TBC1D5: variants seen among roughly 807,000 people sequenced by gnomAD.
The protein encoded by TBC1D5 is TBC1 domain family member 5, also known as TBC1 domain family, member 5.
Under a neutral mutation model 100.3 loss-of-function variants are expected in TBC1D5, and 75 were observed. The observed-to-expected ratio is 0.75, with a 90% CI of 0.62 to 0.91. The LOEUF (loss-of-function observed/expected upper bound fraction) is 0.91, where lower values mean the gene tolerates loss of function less well. Ranked by LOEUF, TBC1D5 falls within the 40% of genes least tolerant of loss-of-function variation. The pLI is 0.00. For missense variants in TBC1D5, 910 were observed against 942.4 expected (o/e 0.97, Z 0.45); for synonymous variants, 323 against 325.6 (o/e 0.99, Z 0.09).
intron 2 of TBC1D5, among the ~76,000 whole-genome samples, chr3:17,553,570 A>G (rs1213609644): frequency 6.6e-6 from 1 of 152,206 alleles, no homozygotes; most frequent in East Asian, 1.9e-4. Flanking sequence ...AACCACAAGC[A>G]ATATCCTAAC....
chr3:17,532,356 A>G (rs1204867686), intron 2 of TBC1D5, among the ~76,000 whole-genome samples: 6 of 152,168 alleles, frequency 3.9e-5, no homozygotes, highest in Admixed American at 2.6e-4. Context: ...GAGAGGATGT[A>G]GAGAAACAGG....
At chr3:17,501,588 T>A (rs1377505642) in intron 3 of TBC1D5, among the ~76,000 whole-genome samples, 6 of 149,060 alleles carry the variant, frequency 4.0e-5, no homozygotes, top group African/African-American at 1.3e-4. Flanking sequence ...CCTTCTCCCT[T>A]GACTCCATCC....
intron 2 of TBC1D5, among the ~76,000 whole-genome samples, chr3:17,614,472 C>A (rs2061956727): frequency 6.6e-6 from 1 of 152,142 alleles, no homozygotes; most frequent in South Asian, 2.1e-4. Context: ...ATAAATTACC[C>A]TGGGCAGTAT....
At chr3:17,224,381 C>T (rs1023582589) in intron 17 of TBC1D5, among the ~76,000 whole-genome samples, 5 of 152,158 alleles carry the variant, frequency 3.3e-5, no homozygotes, top group African/African-American at 9.7e-5. Context: ...AGTATTCACA[C>T]TTAAAAAGTA....
chr3:17,215,563 G>C (rs931846828), intron 17 of TBC1D5, among the ~76,000 whole-genome samples: 1 of 152,130 alleles, frequency 6.6e-6, no homozygotes, highest in Non-Finnish European at 1.5e-5. Context: ...TAAGCAGTGG[G>C]AAATGAGTCT....
chr3:17,198,365 T>C (rs1395086255), intron 18 of TBC1D5, among the ~76,000 whole-genome samples: 2 of 152,156 alleles, frequency 1.3e-5, no homozygotes, highest in Non-Finnish European at 2.9e-5. Flanking sequence ...AAGGAAGTCT[T>C]GGTGAGTAGC....
At chr3:17,685,054 C>T (rs1195944303) in intron 1 of TBC1D5, among the ~76,000 whole-genome samples, 1 of 151,986 alleles carries the variant, frequency 6.6e-6, no homozygotes, top group Non-Finnish European at 1.5e-5. Context: ...CATGTTCAAT[C>T]ACTGTTTATA....
chr3:17,197,511 G>C (rs1446751157), intron 18 of TBC1D5, among the ~76,000 whole-genome samples: 2 of 152,086 alleles, frequency 1.3e-5, no homozygotes, highest in Non-Finnish European at 2.9e-5. Flanking sequence ...CAAATAGCTA[G>C]AATTACAGGT....
At chr3:17,534,134 G>A (rs2096261287) in intron 2 of TBC1D5, among the ~76,000 whole-genome samples, 1 of 152,082 alleles carries the variant, frequency 6.6e-6, no homozygotes, top group Non-Finnish European at 1.5e-5. Context: ...ATGGAAATGA[G>A]GGCCCCTGTT....
At chr3:17,464,945 A>G (rs2095277657) in intron 3 of TBC1D5, among the ~76,000 whole-genome samples, 1 of 152,130 alleles carries the variant, frequency 6.6e-6, no homozygotes, top group African/African-American at 2.4e-5. Context: ...CACCAGCAGA[A>G]GGTGATGTTG....
chr3:17,478,321 G>A (rs1233033440), intron 3 of TBC1D5, among the ~76,000 whole-genome samples: 3 of 152,116 alleles, frequency 2.0e-5, no homozygotes, highest in African/African-American at 7.2e-5. Context: ...AAAAATTGAT[G>A]GTATTAATGG....
chr3:17,342,522 T>C (rs1301885216), intron 13 of TBC1D5, among the ~76,000 whole-genome samples: 2 of 152,190 alleles, frequency 1.3e-5, no homozygotes, highest in Non-Finnish European at 2.9e-5. Flanking sequence ...TAAAGGAAAA[T>C]ATTTAATCTA....
intron 15 of TBC1D5, among the ~76,000 whole-genome samples, chr3:17,261,629 C>T (rs2078296911): frequency 6.6e-6 from 1 of 152,010 alleles, no homozygotes; most frequent in Admixed American, 6.6e-5. Context: ...CTCAAGTGAT[C>T]CTCCCACCTC....
intron 1 of TBC1D5, among the ~76,000 whole-genome samples, chr3:17,721,613 A>G (rs2075710214): frequency 6.6e-6 from 1 of 152,128 alleles, no homozygotes; most frequent in African/African-American, 2.4e-5. Context: ...TGGAAGTTGC[A>G]GTGAACCGAG....
intron 21 of TBC1D5, among the ~76,000 whole-genome samples, chr3:17,164,686 C>T (rs1013230917): frequency 6.6e-6 from 1 of 152,194 alleles, no homozygotes; most frequent in African/African-American, 2.4e-5. Context: ...GATGAGTTAG[C>T]TCCTGCAGGA....
chr3:17,703,918 T>G (rs960901136), intron 1 of TBC1D5, among the ~76,000 whole-genome samples: 51 of 150,228 alleles, frequency 3.4e-4, no homozygotes, highest in South Asian at 1.1e-3. Context: ...TTTTTTGTTT[T>G]TTTTTTTTTA....
chr3:17,287,066 T>C (rs2081258623), intron 15 of TBC1D5, among the ~76,000 whole-genome samples: 2 of 152,274 alleles, frequency 1.3e-5, no homozygotes, highest in African/African-American at 4.8e-5. Context: ...ATTAAGGAAC[T>C]AGATGCTCTT....
At chr3:17,591,253 A>AAAAAC (rs2096768237) in intron 2 of TBC1D5, among the ~76,000 whole-genome samples, 2 of 137,142 alleles carry the variant, frequency 1.5e-5, no homozygotes, top group African/African-American at 5.9e-5. Flanking sequence ...AAAAAAAAAA[A>AAAAAC]AAAAAAAAAA....
intron 18 of TBC1D5, among the ~76,000 whole-genome samples, chr3:17,213,720 T>G (rs917980559): frequency 9.8e-6 from 1 of 102,402 alleles, no homozygotes; most frequent in African/African-American, 4.0e-5. Context: ...GAGCCAAGAT[T>G]AAGACTCTGT....
Sources: allele counts gnomAD v4.1 joint callset (sites outside exome capture counted in the v4.1 genomes callset), GRCh38; gene constraint gnomAD v4.1.1; transcripts MANE v1.5; gene names NCBI Gene and HGNC (gene_info 2026-07-23, HGNC 2026-07-21).